The following PTCD3 variants were observed in gnomAD, a reference collection of about 807,000 sequenced individuals.
PTCD3 encodes the protein small ribosomal subunit protein mS39.
Under a neutral mutation model 101.9 loss-of-function variants are expected in PTCD3, and 89 were observed. That is an observed-to-expected ratio of 0.87 (90% CI 0.74 to 1.04). The LOEUF (loss-of-function observed/expected upper bound fraction) is 1.04. Ranked by LOEUF, PTCD3 falls within the 50% of genes least tolerant of loss-of-function variation. PTCD3 has a pLI of 0.00. For synonymous variants in PTCD3, 296 were observed against 278.5 expected (o/e 1.06, Z -0.63); for missense variants, 870 against 828.2 (o/e 1.05, Z -0.62).
In PTCD3 at chr2:86,127,108, A is replaced by G. The variant is rs1573855480; in HGVS notation, c.952-53A>G. The G allele has an allele frequency of 4.0e-6, 6 of 1,497,684 alleles. No individual in the cohort carries two copies. In the South Asian group the frequency reaches 6.2e-5, roughly 15 times the overall value. The allele number at this position is 1,497,684 out of a possible 1,614,324, so 92.8% of individuals were successfully genotyped here. A position where few individuals can be genotyped will look rare whatever the true frequency, so the allele number is the denominator to read the frequency against. The stretch of plus-strand genomic sequence containing the variant: ...CTTTACTTTGTATGAAACATAGATT[A>G]TTGGACAGATTACCCAGGCATGAAA... On this transcript the variant is annotated intron_variant, in intron 12 of 23. Coordinates refer to ENST00000254630, the MANE Select transcript of PTCD3 (RefSeq NM_017952.6).
intron 9 of PTCD3, 102 bp downstream of exon 9, chr2:86,123,864 A>G (rs1383628999): frequency 2.6e-6 from 2 of 757,092 alleles, no homozygotes; most frequent in Non-Finnish European, 4.0e-6. Context: ...TTCTAAAATA[A>G]TTGATTTTTA....
At chr2:86,133,112 C>A in intron 17 of PTCD3, 66 bp from the exon 18 acceptor site, 2 of 1,557,930 alleles carry the variant, frequency 1.3e-6, no homozygotes, top group South Asian at 1.2e-5. Context: ...ATAATTTCAA[C>A]CCTTATTTCC....
In PTCD3 at chr2:86,127,963, C is replaced by G; in HGVS notation, c.1119C>G (p.His373Gln). 6.2e-7 allele frequency: 1 copy of G among 1,610,744 alleles called. No individual in the cohort carries two copies. Among genetic ancestry groups the G allele is most frequent in the Non-Finnish European group, 8.5e-7 (1 of 1,177,062 alleles). ...IGIEPSLATYHHIIRLFDQPG... is the reference protein window; with the variant it reads ...IGIEPSLATYQHIIRLFDQPG... ...GAGAACCCTCGCTTGCAACATATCA[C>G]CATATTATTCGCCTGTTTGATCAAC... The change falls in exon 14 of 24, where the codon CAC (histidine) becomes CAG (glutamine). Residue 373 changes from histidine (H) to glutamine (Q), a missense_variant. His to Gln is a conservative substitution (Grantham distance 24). Transcript: ENST00000254630.
Position 86,140,432 on chromosome 2 carries a change from C to G in PTCD3, c.*2873C>G, listed in dbSNP as rs1476898174. The G allele has an allele frequency of 1.3e-5, 2 of 152,114 alleles. No individual in the cohort carries two copies. The highest frequency in any genetic ancestry group is 4.8e-5 in the African/African-American group (2 of 41,422). 9.4% of individuals were successfully genotyped at this position (152,114 alleles called of 1,614,324 possible). A position where few individuals can be genotyped will look rare whatever the true frequency, so the allele number is the denominator to read the frequency against. ...TTTTTAATGAAATGCATTAGAACATCTAAGCACGTCACCTACAGTTTTGTG... is the reference window on the plus strand; with the variant it reads ...TTTTTAATGAAATGCATTAGAACATGTAAGCACGTCACCTACAGTTTTGTG... On this transcript the variant is annotated 3_prime_UTR_variant, in exon 24 of 24. Coordinates refer to ENST00000254630, the MANE Select transcript of PTCD3 (RefSeq NM_017952.6).
At chr2:86,110,999 T>C in intron 3 of PTCD3, 114 bp from the exon 4 acceptor site, 1 of 965,784 alleles carries the variant, frequency 1.0e-6, no homozygotes, top group Non-Finnish European at 1.7e-6. Context: ...CATAACCAGC[T>C]TCAGATGAGA....
intron 20 of PTCD3, 100 bp downstream of exon 20, chr2:86,134,477 C>T (rs1674547109): frequency 1.1e-6 from 1 of 951,012 alleles, no homozygotes; most frequent in Non-Finnish European, 1.6e-6. Context: ...GTTCTGCTAC[C>T]CAAACCCATA....
At chr2:86,106,487 C>G in intron 1 of PTCD3, 136 bp downstream of exon 1, 1 of 791,758 alleles carries the variant, frequency 1.3e-6, no homozygotes, top group South Asian at 1.7e-5. Context: ...CCCTTAAGAC[C>G]AGGTACGCGG....
chr2:86,127,458 T>TA (rs1180906908), intron 13 of PTCD3, 153 bp downstream of exon 13: 4 of 836,484 alleles, frequency 4.8e-6, no homozygotes, highest in Non-Finnish European at 5.5e-6. Flanking sequence ...TACATGTACT[T>TA]ATTATAGTGG....
intron 12 of PTCD3, among the ~76,000 whole-genome samples, chr2:86,126,579 A>G (rs1474005415): frequency 2.6e-5 from 4 of 152,220 alleles, no homozygotes; most frequent in East Asian, 3.9e-4. Flanking sequence ...GCTCATGCCT[A>G]TAATCCCAGC....
intron 22 of PTCD3, 192 bp from the exon 23 acceptor site, chr2:86,136,790 G>A (rs1296185800): frequency 1.2e-6 from 1 of 811,184 alleles, no homozygotes; most frequent in Non-Finnish European, 2.0e-6. Context: ...CATACTGAAT[G>A]AATGTTGATA....
intron 4 of PTCD3, among the ~76,000 whole-genome samples, chr2:86,113,485 A>G (rs1489147397): frequency 1.3e-5 from 2 of 152,154 alleles, no homozygotes; most frequent in Non-Finnish European, 2.9e-5. Context: ...TTGTTCTTCT[A>G]TTGTGGATAT....
chr2:86,137,533 G>A lies in PTCD3; in HGVS notation c.2044G>A (p.Asp682Asn), dbSNP rs144366369. Residue 682 changes from aspartate (D) to asparagine (N), a missense_variant, in exon 24 of 24, where the codon GAC becomes AAC. By Grantham distance (23) the Asp-to-Asn change is conservative. Transcript: ENST00000254630. ...TGATACTGACAGCAGCAGTGACAGCGACAGTGACACCAGTGAAGGCAAATG... is the reference window on the plus strand; with the variant it reads ...TGATACTGACAGCAGCAGTGACAGCAACAGTGACACCAGTGAAGGCAAATG... ...DSDTDSSSDS[D>N]SDTSEGK The A allele has an allele frequency of 7.2e-4, 1,155 of 1,613,586 alleles. 6 individuals carry two copies. The highest frequency in any genetic ancestry group is 9.0e-4 in the Non-Finnish European group (1,064 of 1,179,890).
chr2:86,106,339 C>T lies in PTCD3; in HGVS notation c.92C>T (p.Ala31Val), dbSNP rs767326924. The T allele has an allele frequency of 4.3e-6, 7 of 1,613,898 alleles. No individual in the cohort carries two copies. The highest frequency in any genetic ancestry group is 2.2e-5 in the East Asian group (1 of 44,880). Residue 31 changes from alanine (A) to valine (V), a missense_variant, in exon 1 of 24, where the codon GCA becomes GTA. By Grantham distance (64) the Ala-to-Val change is moderately conservative. Coordinates refer to ENST00000254630, the MANE Select transcript of PTCD3 (RefSeq NM_017952.6). ...CGGCGGGCGGGTTTGTGTGAACAGG[C>T]ACGCAGCTGCAGGTAAGAGACGCTT... ...TGRRAGLCEQ[A>V]RSCRFYSGSA...
rs1488422165 is a variant in PTCD3 at position 86,127,996 on chromosome 2, G to T, written c.1147+5G>T. On this transcript the variant is annotated splice_donor_5th_base_variant and intron_variant, in intron 14 of 23. Coordinates refer to ENST00000254630, the MANE Select transcript of PTCD3 (RefSeq NM_017952.6). ...TTCGCCTGTTTGATCAACCTGGTATGTATGGCCTTAAATTGTGTTAATTTA... is the reference window on the plus strand; with the variant it reads ...TTCGCCTGTTTGATCAACCTGGTATTTATGGCCTTAAATTGTGTTAATTTA... 3 of 1,596,152 alleles carry T rather than the reference G, an allele frequency of 1.9e-6. No homozygotes were observed. The highest frequency in any genetic ancestry group is 1.1e-5 in the South Asian group (1 of 90,672).
intron 21 of PTCD3, 48 bp downstream of exon 21, chr2:86,135,035 A>T (rs1674560815): frequency 6.4e-7 from 1 of 1,550,692 alleles, no homozygotes; most frequent in African/African-American, 1.4e-5. Flanking sequence ...TTGTATTTGA[A>T]TCTAAAACAT....
chr2:86,128,074 T>C (rs953113563), intron 14 of PTCD3, 83 bp downstream of exon 14: 1 of 1,109,386 alleles, frequency 9.0e-7, no homozygotes, highest in Middle Eastern at 2.0e-4. Context: ...GTTGTAGTTA[T>C]CTTCTCTGCA....
In PTCD3 at chr2:86,137,666, A is replaced by G; in HGVS notation, c.*107A>G. ...CATTGTTACAAAGAAGAAAAGATAC[A>G]GATTTGGTGAATTTGTTACTGTGAG... On this transcript the variant is annotated 3_prime_UTR_variant, in exon 24 of 24. Transcript: ENST00000254630. The G allele has an allele frequency of 6.6e-7, 1 of 1,508,324 alleles. No homozygotes were observed. The highest frequency in any genetic ancestry group is 8.9e-7 in the Non-Finnish European group (1 of 1,119,888). 93.4% of individuals were successfully genotyped at this position (1,508,324 alleles called of 1,614,324 possible). A position where few individuals can be genotyped will look rare whatever the true frequency, so the allele number is the denominator to read the frequency against.
chr2:86,111,638 G>C (rs938797956), intron 4 of PTCD3, among the ~76,000 whole-genome samples: 6 of 152,076 alleles, frequency 3.9e-5, no homozygotes, highest in African/African-American at 1.4e-4. Context: ...TCATGAATGT[G>C]ATCCCAACAC....
At chr2:86,123,826 C>A in intron 9 of PTCD3, 64 bp downstream of exon 9, 1 of 1,062,772 alleles carries the variant, frequency 9.4e-7, no homozygotes, top group Non-Finnish European at 1.3e-6. Context: ...TATGCCCCAT[C>A]ACCCTGTGAA....
Sources: allele counts gnomAD v4.1 joint callset (sites outside exome capture counted in the v4.1 genomes callset), GRCh38; gene constraint gnomAD v4.1.1; transcripts MANE v1.5; gene names NCBI Gene and HGNC (gene_info 2026-07-23, HGNC 2026-07-21).